Variants in NRIP1 observed in about 807,000 individuals in gnomAD.
NRIP1 encodes nuclear receptor-interacting protein 1.
A neutral mutation model predicts 75.0 loss-of-function variants in NRIP1; 28 were observed. The ratio of observed to expected loss-of-function variants is 0.37; its 90% CI spans 0.28 to 0.51. NRIP1 has a LOEUF of 0.51. NRIP1 is among the 20% of genes least tolerant of loss of function. The pLI is 0.92. For synonymous variants in NRIP1, 526 were observed against 487.6 expected (o/e 1.08, Z -1.04); for missense variants, 1,435 against 1,343.7 (o/e 1.07, Z -1.06).
intron 2 of NRIP1, among the ~76,000 whole-genome samples, chr21:15,019,430 T>C (rs62220720): frequency 2.1e-5 from 3 of 140,404 alleles, no homozygotes; most frequent in Non-Finnish European, 4.6e-5. Flanking sequence ...AAAAAAAAGT[T>C]CAGAAAGGTT....
intron 3 of NRIP1, among the ~76,000 whole-genome samples, chr21:15,011,344 G>C (rs1278018353): frequency 6.6e-6 from 1 of 152,006 alleles, no homozygotes; most frequent in Non-Finnish European, 1.5e-5. Context: ...CGCCCGCCAT[G>C]GCGCCCGGCT....
chr21:15,031,696 G>A (rs1360442556), intron 2 of NRIP1, among the ~76,000 whole-genome samples: 4 of 127,202 alleles, frequency 3.1e-5, no homozygotes, highest in Admixed American at 1.5e-4. Context: ...GGCGCTCGGA[G>A]GATCACCACA....
At chr21:15,022,412 T>C (rs1210102524) in intron 2 of NRIP1, among the ~76,000 whole-genome samples, 2 of 152,070 alleles carry the variant, frequency 1.3e-5, no homozygotes. Context: ...AGGGAGAGCA[T>C]CAGGAAGAAT....
intron 3 of NRIP1, among the ~76,000 whole-genome samples, chr21:14,990,482 G>A (rs2087538994): frequency 6.6e-6 from 1 of 152,196 alleles, no homozygotes; most frequent in Admixed American, 6.5e-5. Flanking sequence ...AGAGACTTGA[G>A]TAAGGATGAG....
chr21:15,057,648 T>C (rs527491130), intron 1 of NRIP1, among the ~76,000 whole-genome samples: 3 of 152,220 alleles, frequency 2.0e-5, no homozygotes, highest in Non-Finnish European at 2.9e-5. Flanking sequence ...AACGGCTTCC[T>C]GAATGTCAGA....
chr21:15,038,915 C>A (rs1283182151), intron 2 of NRIP1, among the ~76,000 whole-genome samples: 1 of 152,072 alleles, frequency 6.6e-6, no homozygotes, highest in African/African-American at 2.4e-5. Flanking sequence ...AACAGAAATT[C>A]TTGCCTTCAG....
Position 15,014,436 on chromosome 21 carries a change from A to AT in NRIP1, c.-428dup. ...CTCTGATGTCATCCGGAGTCTTCAG[A>AT]TTCCCTGTCCTCCTTCAGTCAAGTG... On this transcript the variant is annotated 5_prime_UTR_variant, in exon 3 of 4. Coordinates refer to ENST00000318948, the MANE Select transcript of NRIP1 (RefSeq NM_003489.4). The AT allele has an allele frequency of 2.5e-6, 1 of 398,460 alleles. No individual in the cohort carries two copies. The highest frequency in any genetic ancestry group is 6.3e-4 in the Middle Eastern group (1 of 1,584). 24.7% of individuals were successfully genotyped at this position (398,460 alleles called of 1,614,324 possible). A position where few individuals can be genotyped will look rare whatever the true frequency, so the allele number is the denominator to read the frequency against.
rs1243081449 is a variant in NRIP1 at position 14,961,953 on chromosome 21, T to C, written c.*2763A>G. Reference sequence around the variant, plus strand: ...TTCATTAAGGAAATCACTATTTACATCACCTTTAAAAACCGATTTTAACAT... The same window carrying C: ...TTCATTAAGGAAATCACTATTTACACCACCTTTAAAAACCGATTTTAACAT... On this transcript the variant is annotated 3_prime_UTR_variant, in exon 4 of 4. Transcript: ENST00000318948. 6.7e-6 allele frequency: 1 copy of C among 149,816 alleles called. No homozygotes were observed. Among genetic ancestry groups the C allele is most frequent in the Non-Finnish European group, 1.5e-5 (1 of 67,286 alleles). The allele number at this position is 149,816 out of a possible 1,614,324, so 9.3% of individuals were successfully genotyped here.
intron 1 of NRIP1, among the ~76,000 whole-genome samples, chr21:15,063,131 A>C (rs1170994801): frequency 6.6e-6 from 1 of 152,206 alleles, no homozygotes; most frequent in Non-Finnish European, 1.5e-5. Context: ...AGACTAGAAC[A>C]ACCAATCCTA....
chr21:14,993,220 G>A (rs2087620974), intron 3 of NRIP1, among the ~76,000 whole-genome samples: 2 of 148,984 alleles, frequency 1.3e-5, no homozygotes, highest in African/African-American at 2.5e-5. Flanking sequence ...AACTAAAATC[G>A]AGACCAGTAA....
At chr21:14,972,062 T>A (rs1278925365) in intron 3 of NRIP1, among the ~76,000 whole-genome samples, 1 of 152,190 alleles carries the variant, frequency 6.6e-6, no homozygotes, top group African/African-American at 2.4e-5. Context: ...GTGGAGAGGC[T>A]GCCTCAGGTG....
rs75925217 is a variant in NRIP1, at chr21:15,008,299, C to T, written c.-335+6045G>A. 0.018 allele frequency among the ~76,000 whole-genome samples: 2,753 copies of T among 152,236 alleles called. 234 individuals are homozygous for T. The East Asian group carries it at 0.27, about 15-fold the overall frequency. The stretch of plus-strand genomic sequence containing the variant: ...GTCACACAAAGGAGAGAAGGAAAGA[C>T]TTGAGGGGAAGCCTACTCAATCCTG... On this transcript the variant is annotated intron_variant, in intron 3 of 3. Transcript: ENST00000318948.
intron 3 of NRIP1, among the ~76,000 whole-genome samples, chr21:14,976,763 G>C (rs1459765525): frequency 1.3e-5 from 2 of 152,164 alleles, no homozygotes; most frequent in African/African-American, 4.8e-5. Flanking sequence ...ATTTTTGGTT[G>C]AGAATAGAGA....
At position 14,967,190 on chromosome 21, in the gene NRIP1, T is replaced by C. The variant is rs2086776520; in HGVS notation, c.1003A>G (p.Lys335Glu). The C allele has an allele frequency of 6.2e-7, 1 of 1,614,008 alleles. No individual in the cohort carries two copies. The highest frequency in any genetic ancestry group is 1.3e-5 in the African/African-American group (1 of 74,948). Reference sequence around the variant, plus strand: ...GCACTACTTTTGCTAGCCATCAGTTTGCTTGATGATGTTCTTGCCTGACCA... The same window carrying C: ...GCACTACTTTTGCTAGCCATCAGTTCGCTTGATGATGTTCTTGCCTGACCA... Reference protein sequence around the residue: ...LNGQARTSSSKLMASKSSATV... With the variant: ...LNGQARTSSSELMASKSSATV... The change falls in exon 4 of 4, where the codon AAA becomes GAA. Residue 335 changes from lysine (K) to glutamate (E), a missense_variant. Transcript: ENST00000318948.
At chr21:14,975,768 A>C (rs1354852789) in intron 3 of NRIP1, among the ~76,000 whole-genome samples, 21 of 151,834 alleles carry the variant, frequency 1.4e-4, no homozygotes, top group Non-Finnish European at 8.8e-5. Context: ...CGTTATTTTT[A>C]CTTTTTATTA....
At chr21:15,024,411 A>G (rs9636611) in intron 2 of NRIP1, among the ~76,000 whole-genome samples, 21,736 of 151,700 alleles carry the variant, frequency 0.14, 1,980 homozygotes, top group African/African-American at 0.26. Flanking sequence ...GTGTGGTGGC[A>G]GTCACCTGTA....
At chr21:15,011,541 A>C (rs1298311621) in intron 3 of NRIP1, among the ~76,000 whole-genome samples, 1 of 152,200 alleles carries the variant, frequency 6.6e-6, no homozygotes, top group Non-Finnish European at 1.5e-5. Flanking sequence ...GTCTGACAGG[A>C]AAGTTTTAAA....
At chr21:15,018,723 GAACAC>G (rs760070627) in intron 2 of NRIP1, among the ~76,000 whole-genome samples, 3 of 152,118 alleles carry the variant, frequency 2.0e-5, no homozygotes, top group Non-Finnish European at 4.4e-5. Context: ...AAGGGACGGA[GAACAC>G]AATGATAACA....
At chr21:15,037,776 A>AACCAGGTAGAAATAGGACTTGTCTTATCT (rs2088867672) in intron 2 of NRIP1, among the ~76,000 whole-genome samples, 2 of 152,172 alleles carry the variant, frequency 1.3e-5, no homozygotes, top group African/African-American at 4.8e-5. Context: ...ATATGCAAGG[A>AACCAGGTAGAAATAGGACTTGTCTTATCT]ACCAGGTAGA....
Sources: gnomAD v4.1 joint callset for allele counts (sites outside exome capture counted in the v4.1 genomes callset) on GRCh38, gnomAD v4.1.1 for gene constraint, MANE v1.5 for transcripts, NCBI Gene and HGNC (gene_info 2026-07-23, HGNC 2026-07-21) for gene names.